TACC2: variants seen among roughly 807,000 people sequenced by gnomAD.
TACC2 encodes transforming acidic coiled-coil containing protein 2, also known as transforming acidic coiled-coil-containing protein 2.
A neutral mutation model predicts 227.3 loss-of-function variants in TACC2; 137 were observed. The ratio of observed to expected loss-of-function variants is 0.60; its 90% CI spans 0.52 to 0.69. TACC2 has a LOEUF of 0.69. Ranked by LOEUF, TACC2 falls within the 30% of genes least tolerant of loss-of-function variation. TACC2 has a pLI of 0.00. For missense variants in TACC2, 3,470 were observed against 3,694.4 expected, an observed-to-expected ratio of 0.94 and a Z score of 1.57; for synonymous variants, 1,523 against 1,487.5, an observed-to-expected ratio of 1.02 and a Z score of -0.55.
chr10:122,053,377 A>AC lies in TACC2; in HGVS notation c.146+2834dup, dbSNP rs202218368. Reference sequence around the variant, plus strand: ...AAAGACCAGCCCCCATGATTCAGTCACCCCCCCAGGTCCCTCCCGCAACAC... The same window carrying AC: ...AAAGACCAGCCCCCATGATTCAGTCACCCCCCCCAGGTCCCTCCCGCAACAC... On this transcript the variant is annotated intron_variant, in intron 3 of 22. Transcript: ENST00000369005. Among the ~76,000 whole-genome samples the AC allele has an allele frequency of 1.5e-4, 23 of 151,204 alleles. No individual in the cohort carries two copies. The South Asian group carries it at 3.0e-3, about 19-fold the overall frequency.
At chr10:122,020,461 G>A (rs1408605280) in intron 1 of TACC2, among the ~76,000 whole-genome samples, 1 of 152,074 alleles carries the variant, frequency 6.6e-6, no homozygotes, top group Non-Finnish European at 1.5e-5. Flanking sequence ...CATTTTAATT[G>A]GGCCTGTTTG....
intron 11 of TACC2, among the ~76,000 whole-genome samples, chr10:122,218,265 C>T (rs942962921): frequency 3.3e-5 from 5 of 152,278 alleles, no homozygotes; most frequent in African/African-American, 1.2e-4. Context: ...TTTTTTTGAA[C>T]TGAGTAGAAA....
Position 122,215,398 on chromosome 10 carries a change from T to A in TACC2, c.7291T>A (p.Phe2431Ile). 1 of 1,613,720 alleles carries A rather than the reference T, an allele frequency of 6.2e-7. No homozygotes were observed. The highest frequency in any genetic ancestry group is 1.1e-5 in the South Asian group (1 of 91,072). ...KKKTPLKTDT[F>I]RVKKSPKRSP... ...TTTCCATTTTGTTTCCAGTGACACA[T>A]TTAGGGTGAAAAAGTCGCCAAAACG... The change falls in exon 10 of 23, where the codon TTT becomes ATT. Residue 2431 changes from phenylalanine (F) to isoleucine (I), a missense_variant. This residue lies in a region of TACC2 where 593 missense variants were observed against 636.6 expected (regional missense o/e 0.93). Transcript: ENST00000369005.
chr10:122,248,631 C>T lies in TACC2; in HGVS notation c.8393-12C>T. 1 of 1,612,520 alleles carries T rather than the reference C, an allele frequency of 6.2e-7. No homozygotes were observed. Among genetic ancestry groups the T allele is most frequent in the Non-Finnish European group, 8.5e-7 (1 of 1,179,994 alleles). On this transcript the variant is annotated splice_polypyrimidine_tract_variant and intron_variant, in intron 19 of 22. Transcript: ENST00000369005. ...TGGGCTCCATCATTTGGCTCCTGGT[C>T]TCTCCTGCCAGAGGACGAACAGAGA... is the stretch of plus-strand genomic sequence containing the variant.
chr10:122,058,592 A>T (rs1479898363), intron 3 of TACC2, among the ~76,000 whole-genome samples: 1 of 152,176 alleles, frequency 6.6e-6, no homozygotes, highest in African/African-American at 2.4e-5. Flanking sequence ...TATTTTTAGT[A>T]GAGACGGGGT....
intron 7 of TACC2, among the ~76,000 whole-genome samples, chr10:122,189,978 T>A (rs1047296056): frequency 3.9e-5 from 6 of 152,212 alleles, no homozygotes; most frequent in African/African-American, 1.4e-4. Context: ...TTATGGCCTT[T>A]GCAATTTATT....
At position 122,249,136 on chromosome 10, in the gene TACC2, C is replaced by T. The variant is rs554081729; in HGVS notation, c.8640C>T (p.His2880=). The T allele has an allele frequency of 6.0e-5, 97 of 1,611,740 alleles. No individual in the cohort carries two copies. Among genetic ancestry groups the T allele is most frequent in the South Asian group, 5.0e-4 (45 of 90,012 alleles). ...AGAGGTACCAGGCCCTGAAGGTGCA[C>T]GCGGAGGAGAAACTGGACAGGTAAC... ...EEQRYQALKV[H]AEEKLDRANA... Residue 2880 remains histidine, a synonymous_variant, in exon 21 of 23, where the codon CAC becomes CAT. Coordinates refer to ENST00000369005, the MANE Select transcript of TACC2 (RefSeq NM_206862.4).
At chr10:121,994,188 T>C (rs550086203) in intron 1 of TACC2, among the ~76,000 whole-genome samples, 16 of 152,214 alleles carry the variant, frequency 1.1e-4, no homozygotes, top group Non-Finnish European at 1.6e-4. Flanking sequence ...AGGAGGCATA[T>C]TGACATGTTT....
At chr10:122,181,113 G>T (rs1033499371) in intron 7 of TACC2, among the ~76,000 whole-genome samples, 30 of 152,232 alleles carry the variant, frequency 2.0e-4, no homozygotes, top group African/African-American at 7.0e-4. Flanking sequence ...CTTCTGTTTG[G>T]CTGATTACAG....
rs187513617 is a variant in TACC2 at position 122,139,170 on chromosome 10, A to G, written c.5700-4402A>G. On this transcript the variant is annotated intron_variant, in intron 6 of 22. Transcript: ENST00000369005. ...TCCTGCTTAAGTTTTGCTTGTGCCA[A>G]ATTTGAAAATAACATCCCTCCTCTG... 1.1e-3 allele frequency among the ~76,000 whole-genome samples: 175 copies of G among 152,296 alleles called. 2 individuals carry two copies. Among genetic ancestry groups the G allele is most frequent in the Middle Eastern group, 3.4e-3 (1 of 294 alleles).
chr10:122,047,574 C>T (rs566204915), intron 2 of TACC2, among the ~76,000 whole-genome samples: 3 of 152,258 alleles, frequency 2.0e-5, no homozygotes, highest in South Asian at 2.1e-4. Context: ...AACACTGCCC[C>T]GTGGAAGGGA....
intron 5 of TACC2, among the ~76,000 whole-genome samples, chr10:122,092,238 G>C (rs950255964): frequency 7.2e-5 from 11 of 152,220 alleles, no homozygotes; most frequent in Non-Finnish European, 1.6e-4. Flanking sequence ...TGAGGAGAGT[G>C]AATTCTTTTT....
At chr10:122,029,000 CCCCTCCCCTCCCCTT>C (rs1958583393) in intron 2 of TACC2, among the ~76,000 whole-genome samples, 2 of 54,034 alleles carry the variant, frequency 3.7e-5, no homozygotes, top group Non-Finnish European at 6.4e-5. Context: ...CCCCTCCCCT[CCCCTCCCCTCCCCTT>C]CCCTTCCCGT....
chr10:122,058,449 G>A (rs981814433), intron 3 of TACC2, among the ~76,000 whole-genome samples: 8 of 152,128 alleles, frequency 5.3e-5, no homozygotes, highest in East Asian at 1.9e-4. Context: ...TCACTCTGTC[G>A]CCAGACAGGA....
intron 7 of TACC2, among the ~76,000 whole-genome samples, chr10:122,159,401 C>T (rs2092687644): frequency 6.6e-6 from 1 of 152,198 alleles, no homozygotes; most frequent in Non-Finnish European, 1.5e-5. Context: ...CAGGTTCTGT[C>T]CCTGCTCACA....
Position 122,038,543 on chromosome 10 carries a change from G to A in TACC2, c.34-11895G>A, listed in dbSNP as rs1011706732. 2.0e-5 allele frequency among the ~76,000 whole-genome samples: 3 copies of A among 152,162 alleles called. No homozygotes were observed. The South Asian group carries it at 6.2e-4, about 32-fold the overall frequency. On this transcript the variant is annotated intron_variant, in intron 2 of 22. Coordinates refer to ENST00000369005, the MANE Select transcript of TACC2 (RefSeq NM_206862.4). Reference sequence around the variant, plus strand: ...CAGCTGGCACAAAACTAGGTTCTAAGGTGGTCGTTGTCTTGAGACGCTCTC... The same window carrying A: ...CAGCTGGCACAAAACTAGGTTCTAAAGTGGTCGTTGTCTTGAGACGCTCTC...
intron 3 of TACC2, among the ~76,000 whole-genome samples, chr10:122,073,012 CT>C (rs1196767275): frequency 6.8e-5 from 10 of 146,552 alleles, no homozygotes; most frequent in Non-Finnish European, 1.5e-4. Flanking sequence ...GCTAGGGAGG[CT>C]GAGGCAGGAG....
intron 7 of TACC2, among the ~76,000 whole-genome samples, chr10:122,173,149 G>A (rs2093558893): frequency 6.6e-6 from 1 of 152,170 alleles, no homozygotes; most frequent in South Asian, 2.1e-4. Flanking sequence ...TAATTGCTAG[G>A]ATGGCTTTAG....
intron 5 of TACC2, among the ~76,000 whole-genome samples, chr10:122,113,723 T>G (rs780642039): frequency 6.6e-6 from 1 of 152,252 alleles, no homozygotes; most frequent in Non-Finnish European, 1.5e-5. Context: ...CATAAAACTC[T>G]GCGCTGGATT....
Sources: allele counts gnomAD v4.1 joint callset (sites outside exome capture counted in the v4.1 genomes callset), GRCh38; gene constraint gnomAD v4.1.1; regional missense constraint gnomAD v4.1.1; transcripts MANE v1.5; gene names NCBI Gene and HGNC (gene_info 2026-07-23, HGNC 2026-07-21).